Variants in CLIC5 observed in about 807,000 individuals in gnomAD.
CLIC5 encodes the protein chloride intracellular channel protein 5.
A neutral mutation model predicts 24.7 loss-of-function variants in CLIC5; 20 were observed. That is an observed-to-expected ratio of 0.81 (90% CI 0.57 to 1.18). CLIC5 has a LOEUF of 1.18. CLIC5 is among the 50% of genes most tolerant of loss of function. CLIC5 has a pLI of 0.00. For synonymous variants in CLIC5, 159 were observed against 135.6 expected, an observed-to-expected ratio of 1.17 and a Z score of -1.20; for missense variants, 341 against 326.1, an observed-to-expected ratio of 1.05 and a Z score of -0.35.
intron 1 of CLIC5, among the ~76,000 whole-genome samples, chr6:45,970,394 C>T (rs1765158924): frequency 6.6e-6 from 1 of 152,146 alleles, no homozygotes; most frequent in Non-Finnish European, 1.5e-5. Context: ...TTGCTGCTGG[C>T]TGAGTTATAT....
chr6:46,103,398 G>A, the CLIC5 span, among the ~76,000 whole-genome samples: 7 of 152,206 alleles, frequency 4.6e-5, no homozygotes, highest in Non-Finnish European at 1.5e-5. Flanking sequence ...ATTTACATCT[G>A]TAGACAATCT....
intron 2 of CLIC5, among the ~76,000 whole-genome samples, chr6:45,951,695 A>G (rs1348563330): frequency 2.0e-5 from 3 of 152,166 alleles, no homozygotes; most frequent in East Asian, 3.8e-4. Flanking sequence ...GCTGGGATTC[A>G]CCCCAAATGC....
chr6:45,921,187 C>G (rs1445945280), intron 4 of CLIC5, among the ~76,000 whole-genome samples: 6 of 151,982 alleles, frequency 3.9e-5, no homozygotes, highest in African/African-American at 7.3e-5. Context: ...TTTTCAGGTC[C>G]CTTTGTCTTT....
At chr6:46,070,050 C>G (rs1331477522) in intron 1 of CLIC5, among the ~76,000 whole-genome samples, 1 of 152,102 alleles carries the variant, frequency 6.6e-6, no homozygotes, top group Non-Finnish European at 1.5e-5. Context: ...TCTCAATAAA[C>G]TAGGTATCAA....
chr6:46,068,713 G>A (rs1762508713), intron 1 of CLIC5, among the ~76,000 whole-genome samples: 1 of 152,036 alleles, frequency 6.6e-6, no homozygotes, highest in Admixed American at 6.6e-5. Flanking sequence ...CAAAATGACT[G>A]GTGTTCTTAT....
chr6:45,959,518 TTTGTTGTTG>T (rs151117400), intron 1 of CLIC5, among the ~76,000 whole-genome samples: 16 of 151,560 alleles, frequency 1.1e-4, no homozygotes, highest in African/African-American at 1.7e-4. Flanking sequence ...ATATGGGGCT[TTTGTTGTTG>T]TTGTTGTTGT....
the CLIC5 span, among the ~76,000 whole-genome samples, chr6:46,120,282 G>A: frequency 0.31 from 47,843 of 152,014 alleles, 7,946 homozygotes; most frequent in Middle Eastern, 0.44. Context: ...AGCAATATTC[G>A]CTGTTCTGCA....
chr6:46,033,680 T>C (rs2127457075), intron 1 of CLIC5, among the ~76,000 whole-genome samples: 1 of 152,150 alleles, frequency 6.6e-6, no homozygotes, highest in African/African-American at 2.4e-5. Flanking sequence ...CACCAAAGGG[T>C]GGGGGAATTA....
chr6:46,051,651 T>C (rs1217632591), intron 1 of CLIC5, among the ~76,000 whole-genome samples: 1 of 152,250 alleles, frequency 6.6e-6, no homozygotes, highest in Non-Finnish European at 1.5e-5. Context: ...TTTCACGTTC[T>C]AACTGCTGTG....
the CLIC5 span, among the ~76,000 whole-genome samples, chr6:46,086,834 T>C: frequency 6.6e-6 from 1 of 152,174 alleles, no homozygotes; most frequent in East Asian, 1.9e-4. Context: ...AGCCACCTGA[T>C]AATGTCAGAT....
chr6:46,010,445 C>T (rs1281514947), intron 1 of CLIC5, among the ~76,000 whole-genome samples: 1 of 152,188 alleles, frequency 6.6e-6, no homozygotes, highest in Non-Finnish European at 1.5e-5. Context: ...TGAACCCGAG[C>T]CTGACACCAA....
intron 1 of CLIC5, among the ~76,000 whole-genome samples, chr6:46,011,360 C>T (rs1232728721): frequency 1.3e-5 from 2 of 152,246 alleles, no homozygotes; most frequent in Admixed American, 6.5e-5. Context: ...GCAGAAGCTG[C>T]CTGCTATTGG....
intron 4 of CLIC5, among the ~76,000 whole-genome samples, chr6:45,930,250 C>T (rs926986174): frequency 6.6e-6 from 1 of 152,142 alleles, no homozygotes; most frequent in Non-Finnish European, 1.5e-5. Context: ...CCTCCCAGGC[C>T]GCTCTGAATC....
the CLIC5 span, among the ~76,000 whole-genome samples, chr6:46,125,109 T>C: frequency 6.6e-6 from 1 of 152,170 alleles, no homozygotes; most frequent in South Asian, 2.1e-4. Context: ...ATCATGTTGC[T>C]ATAAAGACAA....
intron 1 of CLIC5, among the ~76,000 whole-genome samples, chr6:45,991,792 A>G (rs971169437): frequency 6.6e-6 from 1 of 152,148 alleles, no homozygotes; most frequent in Non-Finnish European, 1.5e-5. Context: ...TATAGTAGAA[A>G]GAGAGGTTAA....
At position 45,911,901 on chromosome 6, in the gene CLIC5, C is replaced by T. The variant is rs1182749306; in HGVS notation, c.588+2327G>A. ...TTGGCTTGACTTTGGGAGATGAGAACTAGGAGGGGGCCAGACAATGAATGT... is the reference window on the plus strand; with the variant it reads ...TTGGCTTGACTTTGGGAGATGAGAATTAGGAGGGGGCCAGACAATGAATGT... On this transcript the variant is annotated intron_variant, in intron 5 of 5. Transcript: ENST00000339561. The T allele has an allele frequency of 6.1e-6, 6 of 985,394 alleles. No homozygotes were observed. The East Asian group carries it at 6.8e-4, about 112-fold the overall frequency. 61.0% of individuals were successfully genotyped at this position (985,394 alleles called of 1,614,324 possible). A position where few individuals can be genotyped will look rare whatever the true frequency, so the allele number is the denominator to read the frequency against.
At chr6:45,993,769 TAAC>T (rs970012536) in intron 1 of CLIC5, among the ~76,000 whole-genome samples, 11 of 152,204 alleles carry the variant, frequency 7.2e-5, no homozygotes, top group African/African-American at 2.7e-4. Flanking sequence ...ACAGATTTGC[TAAC>T]AACTGTGATT....
chr6:45,893,913 A>G, downstream of CLIC5, among the ~76,000 whole-genome samples: 1 of 152,226 alleles, frequency 6.6e-6, no homozygotes, highest in East Asian at 1.9e-4. Context: ...GAAAGAACCT[A>G]TGTTTTGCCA....
intron 1 of CLIC5, among the ~76,000 whole-genome samples, chr6:46,052,693 C>A (rs1472127878): frequency 6.6e-6 from 1 of 152,132 alleles, no homozygotes; most frequent in Non-Finnish European, 1.5e-5. Context: ...CTTTGCCAGA[C>A]AGCAGCCAAC....
Sources: gnomAD v4.1 joint callset for allele counts (sites outside exome capture counted in the v4.1 genomes callset) on GRCh38, gnomAD v4.1.1 for gene constraint, MANE v1.5 for transcripts, NCBI Gene and HGNC (gene_info 2026-07-23, HGNC 2026-07-21) for gene names.